Variants in DNASE1 observed in about 807,000 individuals in gnomAD.
DNASE1 encodes deoxyribonuclease 1, also known as deoxyribonuclease-1.
In DNASE1, 40 loss-of-function variants were observed where a neutral mutation model predicts 33.9. That is an observed-to-expected ratio of 1.18 (90% CI 0.92 to 1.54). The LOEUF is 1.54. Ranked by LOEUF, DNASE1 falls within the 40% of genes most tolerant of loss-of-function variation. The pLI is 0.00. For missense variants in DNASE1, 518 were observed against 372.6 expected, an observed-to-expected ratio of 1.39 and a Z score of -3.21; for synonymous variants, 216 against 160.0, an observed-to-expected ratio of 1.35 and a Z score of -2.64.
At chr16:3,626,269 C>T (rs1238787833) in intron 1 of DNASE1, among the ~76,000 whole-genome samples, 1 of 151,262 alleles carries the variant, frequency 6.6e-6, no homozygotes. Flanking sequence ...AAGTGTTCAA[C>T]TTATTTAGTC....
chr16:3,638,790 T>C (rs376100193), upstream of DNASE1, among the ~76,000 whole-genome samples: 4 of 152,310 alleles, frequency 2.6e-5, no homozygotes, highest in South Asian at 8.3e-4. Flanking sequence ...CTTGATAGTG[T>C]CCAATAATTT....
chr16:3,650,701 A>G (rs2042308398), upstream of DNASE1: 1 of 152,122 alleles, frequency 6.6e-6, no homozygotes, highest in Non-Finnish European at 1.5e-5. Context: ...CTGGCAACTT[A>G]TAGTGGATGT....
chr16:3,658,188 G>A (rs758903218), downstream of DNASE1: 8 of 1,613,982 alleles, frequency 5.0e-6, no homozygotes, highest in Non-Finnish European at 6.8e-6. Context: ...ATGGCCCTAG[G>A]GTCGTCAACA....
At chr16:3,621,802 G>A (rs1264801080) in intron 1 of DNASE1, among the ~76,000 whole-genome samples, 2 of 152,072 alleles carry the variant, frequency 1.3e-5, no homozygotes, top group East Asian at 3.8e-4. Flanking sequence ...GAACATACTT[G>A]TATATACTTT....
exon 10 of DNASE1, chr16:3,664,222 A>C (rs1596695503): frequency 6.8e-7 from 1 of 1,479,578 alleles, no homozygotes; most frequent in Non-Finnish European, 9.0e-7. Context: ...GAAGGTCAAG[A>C]CCCTCCCCAG....
At position 3,655,928 on chromosome 16, in the gene DNASE1, A is replaced by G. The variant is rs2042576130; in HGVS notation, c.227A>G (p.Asn76Ser). 6.2e-7 allele frequency: 1 copy of G among 1,613,520 alleles called. No individual in the cohort carries two copies. Among genetic ancestry groups the G allele is most frequent in the African/African-American group, 1.3e-5 (1 of 74,880 alleles). Residue 76 changes from asparagine to serine, a missense_variant, in exon 3 of 9, where the codon AAC (asparagine) becomes AGC (serine). By Grantham distance (46) the Asn-to-Ser change is conservative. Coordinates refer to ENST00000246949, the MANE Select transcript of DNASE1 (RefSeq NM_005223.4). ...ACTGCCGTGGGGAAGCTGCTGGACAACCTCAATCAGTGGGTGACAGTGGCA... is the reference window on the plus strand; with the variant it reads ...ACTGCCGTGGGGAAGCTGCTGGACAGCCTCAATCAGTGGGTGACAGTGGCA... Reference protein sequence around the residue: ...HLTAVGKLLDNLNQDAPDTYH... With the variant: ...HLTAVGKLLDSLNQDAPDTYH...
rs1218511782 is a variant in DNASE1 at position 3,654,860 on chromosome 16, G to A, written c.-186G>A. 3 of 412,214 alleles carry A rather than the reference G, an allele frequency of 7.3e-6. No homozygotes were observed. Among genetic ancestry groups the A allele is most frequent in the Non-Finnish European group, 1.3e-5 (3 of 234,904 alleles). 25.5% of individuals were successfully genotyped at this position (412,214 alleles called of 1,614,324 possible). On this transcript the variant is annotated 5_prime_UTR_variant, in exon 1 of 9. Coordinates refer to ENST00000246949, the MANE Select transcript of DNASE1 (RefSeq NM_005223.4). Reference sequence around the variant, plus strand: ...CTGAACTTTTAAAACTCCCAGACACGCACTGCCTGTGCAGGATCCGGAGCC... The same window carrying A: ...CTGAACTTTTAAAACTCCCAGACACACACTGCCTGTGCAGGATCCGGAGCC...
chr16:3,656,126 C>T lies in DNASE1; in HGVS notation c.261C>T (p.Tyr87=), dbSNP rs140382618. The change falls in exon 4 of 9, where the codon TAC becomes TAT. Residue 87 remains tyrosine (Y), a synonymous_variant. Coordinates refer to ENST00000246949, the MANE Select transcript of DNASE1 (RefSeq NM_005223.4). The stretch of plus-strand genomic sequence containing the variant: ...GGGATGCACCAGACACCTATCACTA[C>T]GTGGTCAGTGAGCCACTGGGACGGA... ...LNQDAPDTYH[Y]VVSEPLGRNS... is the part of the protein sequence containing the mutation. The T allele has an allele frequency of 2.2e-5, 36 of 1,614,014 alleles. No individual in the cohort carries two copies. Among genetic ancestry groups the T allele is most frequent in the African/African-American group, 2.7e-5 (2 of 74,918 alleles).
At chr16:3,612,099 G>T (rs2040898443) in intron 1 of DNASE1, 2 of 152,306 alleles carry the variant, frequency 1.3e-5, no homozygotes, top group African/African-American at 4.8e-5. Flanking sequence ...TGGAGGGGAT[G>T]CCCGAGCTCT....
upstream of DNASE1, chr16:3,653,998 A>G (rs960400685): frequency 4.8e-5 from 8 of 167,578 alleles, no homozygotes; most frequent in African/African-American, 1.7e-4. Context: ...AGTCTTAGCT[A>G]CTCAGGAGGC....
intron 1 of DNASE1, among the ~76,000 whole-genome samples, chr16:3,636,921 C>T (rs904590502): frequency 3.3e-5 from 5 of 151,594 alleles, no homozygotes; most frequent in African/African-American, 9.7e-5. Flanking sequence ...GTCAGGAGTT[C>T]GAGACCAGCC....
chr16:3,631,404 C>A (rs2041694694), intron 1 of DNASE1, among the ~76,000 whole-genome samples: 2 of 152,146 alleles, frequency 1.3e-5, no homozygotes, highest in South Asian at 4.1e-4. Context: ...AGGGTTTCAC[C>A]ATATTGGTCA....
chr16:3,627,640 T>C (rs2151171795), intron 1 of DNASE1, among the ~76,000 whole-genome samples: 1 of 152,254 alleles, frequency 6.6e-6, no homozygotes, highest in East Asian at 1.9e-4. Flanking sequence ...TATCCAGTTT[T>C]CTCAGCAACA....
In DNASE1 at chr16:3,629,436, A is replaced by G. The variant is rs186924467; in HGVS notation, c.-1358-11279A>G. 7.2e-4 allele frequency among the ~76,000 whole-genome samples: 110 copies of G among 152,242 alleles called. 1 individual carries two copies. The highest frequency in any genetic ancestry group is 2.6e-3 in the African/African-American group (106 of 41,552). On this transcript the variant is annotated intron_variant and NMD_transcript_variant, in intron 1 of 11. Coordinates refer to the DNASE1 transcript ENST00000570769. Reference sequence around the variant, plus strand: ...TCCATGCATTTCAGGAGTAAATCCCACTTGTTTGTGGTGTATAATCCTTCT... The same window carrying G: ...TCCATGCATTTCAGGAGTAAATCCCGCTTGTTTGTGGTGTATAATCCTTCT...
downstream of DNASE1, chr16:3,658,369 C>T: frequency 1.4e-6 from 1 of 690,452 alleles, no homozygotes; most frequent in Middle Eastern, 2.9e-4. Context: ...CAGGTGATCC[C>T]CCCGCCTCCC....
At chr16:3,619,029 C>T (rs1729384586) in intron 1 of DNASE1, among the ~76,000 whole-genome samples, 1 of 151,646 alleles carries the variant, frequency 6.6e-6, no homozygotes, top group Admixed American at 6.6e-5. Flanking sequence ...GCTAGAAGGG[C>T]CCCTGGGTAA....
chr16:3,658,939 A>G (rs1026334720), downstream of DNASE1: 18 of 1,495,634 alleles, frequency 1.2e-5, no homozygotes, highest in African/African-American at 2.5e-4. Context: ...TTTTGGGATT[A>G]TCAGGATATT....
intron 1 of DNASE1, among the ~76,000 whole-genome samples, chr16:3,625,074 AG>A (rs1252336859): frequency 6.6e-6 from 1 of 152,156 alleles, no homozygotes; most frequent in African/African-American, 2.4e-5. Context: ...TGGGAGGCCT[AG>A]GCGGGCGGAT....
At chr16:3,636,482 C>G (rs553395885) in intron 1 of DNASE1, among the ~76,000 whole-genome samples, 2 of 152,086 alleles carry the variant, frequency 1.3e-5, no homozygotes, top group East Asian at 1.9e-4. Flanking sequence ...TCGTAGTATG[C>G]CTTGTAATTT....
Sources: allele counts gnomAD v4.1 joint callset (sites outside exome capture counted in the v4.1 genomes callset), GRCh38; gene constraint gnomAD v4.1.1; transcripts MANE v1.5; gene names NCBI Gene and HGNC (gene_info 2026-07-23, HGNC 2026-07-21).